CEP128: variants seen among roughly 807,000 people sequenced by gnomAD.
The protein encoded by CEP128 is centrosomal protein 128, also known as centrosomal protein 128kDa.
CEP128 carries 132 observed loss-of-function variants against 156.7 expected under a neutral mutation model. The observed-to-expected ratio is 0.84, with a 90% CI of 0.73 to 0.97. CEP128 has a LOEUF of 0.97. Among genes scored for constraint, CEP128 ranks in the 50% least tolerant of loss-of-function variants. The probability of loss-of-function intolerance (pLI) is 0.00; values close to 1 mark genes in which losing one functional copy is unlikely to be tolerated. For missense variants in CEP128, 1,252 were observed against 1,281.9 expected (o/e 0.98, Z 0.36); for synonymous variants, 469 against 448.9 (o/e 1.04, Z -0.57).
intron 13 of CEP128, among the ~76,000 whole-genome samples, chr14:80,796,749 A>AT (rs1883508291): frequency 1.3e-5 from 2 of 152,206 alleles, no homozygotes; most frequent in African/African-American, 4.8e-5. Flanking sequence ...GGTATTAGTG[A>AT]GTCCTACATT....
intron 19 of CEP128, among the ~76,000 whole-genome samples, chr14:80,603,242 TGTG>T (rs1892649280): frequency 6.6e-6 from 1 of 152,088 alleles, no homozygotes; most frequent in Non-Finnish European, 1.5e-5. Flanking sequence ...ATAAACAAAA[TGTG>T]GTATTTCCAT....
chr14:80,810,299 G>A (rs8007834), intron 13 of CEP128, among the ~76,000 whole-genome samples: 18,767 of 114,512 alleles, frequency 0.16, 1,705 homozygotes, highest in Admixed American at 0.3. Flanking sequence ...CTCCAGCCTG[G>A]GCGACAGAGC....
intron 8 of CEP128, among the ~76,000 whole-genome samples, chr14:80,886,091 A>C (rs868139331): frequency 6.6e-6 from 1 of 152,152 alleles, no homozygotes; most frequent in African/African-American, 2.4e-5. Context: ...AAAAGAGTGA[A>C]AAGGAACAAA....
intron 23 of CEP128, 106 bp from the exon 24 acceptor site, chr14:80,505,126 G>C: frequency 2.5e-6 from 1 of 403,146 alleles, no homozygotes; most frequent in Non-Finnish European, 4.6e-6. Context: ...AAGCTATGTT[G>C]TACATGCACA....
chr14:80,805,895 T>C (rs1884149571), intron 13 of CEP128, among the ~76,000 whole-genome samples: 1 of 152,158 alleles, frequency 6.6e-6, no homozygotes, highest in African/African-American at 2.4e-5. Context: ...TAGTGATTGG[T>C]TGAAAGTAGA....
intron 20 of CEP128, among the ~76,000 whole-genome samples, chr14:80,565,649 C>G (rs1890882133): frequency 1.3e-5 from 2 of 152,078 alleles, no homozygotes; most frequent in African/African-American, 2.4e-5. Flanking sequence ...AGGAATGGAC[C>G]AAGGCAAATT....
At chr14:80,728,296 G>A (rs1898096486) in intron 19 of CEP128, among the ~76,000 whole-genome samples, 1 of 152,162 alleles carries the variant, frequency 6.6e-6, no homozygotes, top group East Asian at 1.9e-4. Flanking sequence ...CCACTTATTA[G>A]TGAGACCTGA....
intron 9 of CEP128, among the ~76,000 whole-genome samples, chr14:80,845,509 C>T (rs945850740): frequency 6.6e-6 from 1 of 152,086 alleles, no homozygotes; most frequent in Non-Finnish European, 1.5e-5. Context: ...TAATATAATA[C>T]TTCATTTGAC....
At chr14:80,688,698 T>C (rs1896608128) in intron 19 of CEP128, among the ~76,000 whole-genome samples, 1 of 152,212 alleles carries the variant, frequency 6.6e-6, no homozygotes, top group Non-Finnish European at 1.5e-5. Context: ...AAAGTTAATT[T>C]AGAAATAATA....
At chr14:80,690,416 CAA>C (rs113493547) in intron 19 of CEP128, among the ~76,000 whole-genome samples, 10 of 118,212 alleles carry the variant, frequency 8.5e-5, no homozygotes, top group Admixed American at 3.5e-4. Flanking sequence ...AACTCCATCT[CAA>C]AAAAAAAAAA....
At chr14:80,954,174 G>A (rs1391937890) in intron 2 of CEP128, among the ~76,000 whole-genome samples, 3 of 152,082 alleles carry the variant, frequency 2.0e-5, no homozygotes, top group East Asian at 3.9e-4. Context: ...GGAGGCTGAG[G>A]CAGCAGAATT....
At chr14:80,951,660 T>C (rs1237838961) in intron 2 of CEP128, among the ~76,000 whole-genome samples, 3 of 152,080 alleles carry the variant, frequency 2.0e-5, no homozygotes, top group Non-Finnish European at 4.4e-5. Context: ...TTAAATGTAA[T>C]GTGAATAATG....
intron 8 of CEP128, among the ~76,000 whole-genome samples, chr14:80,871,953 C>T (rs1888050239): frequency 6.6e-6 from 1 of 152,124 alleles, no homozygotes; most frequent in African/African-American, 2.4e-5. Flanking sequence ...ATACCTGGTG[C>T]TTCAAAGTCC....
intron 19 of CEP128, among the ~76,000 whole-genome samples, chr14:80,718,389 A>G (rs1326505629): frequency 6.6e-6 from 1 of 152,238 alleles, no homozygotes; most frequent in African/African-American, 2.4e-5. Context: ...TTAAACAACT[A>G]GTTTTAATGA....
chr14:80,855,088 G>T (rs960272516), intron 9 of CEP128, among the ~76,000 whole-genome samples: 1 of 152,168 alleles, frequency 6.6e-6, no homozygotes, highest in Non-Finnish European at 1.5e-5. Flanking sequence ...ACTTTACCCC[G>T]TGAAGAATAA....
At chr14:80,671,148 ATGCTAT>A (rs1353490225) in intron 19 of CEP128, among the ~76,000 whole-genome samples, 1 of 152,222 alleles carries the variant, frequency 6.6e-6, no homozygotes, top group Non-Finnish European at 1.5e-5. Flanking sequence ...ATGCAGGGAC[ATGCTAT>A]AGATAAGGAC....
intron 9 of CEP128, among the ~76,000 whole-genome samples, chr14:80,856,562 T>C (rs1887169303): frequency 2.0e-5 from 3 of 151,890 alleles, no homozygotes; most frequent in Admixed American, 2.0e-4. Context: ...AAGGATCGCT[T>C]GAGCCTGGGA....
rs190059928 is a variant in CEP128 at position 80,685,821 on chromosome 14, C to T, written c.2806+57254G>A. 9.2e-4 allele frequency among the ~76,000 whole-genome samples: 140 copies of T among 152,168 alleles called. 2 individuals carry two copies. In the Middle Eastern group the frequency reaches 0.01, roughly 11 times the overall value. On this transcript the variant is annotated intron_variant, in intron 19 of 24. Transcript: ENST00000555265. The stretch of plus-strand genomic sequence containing the variant: ...AATAAAACTGCACTCCTAGCACTAT[C>T]TAATCTTCAACAAAGTCAACAAAAA...
chr14:80,782,464 C>T (rs1239541884), intron 15 of CEP128, among the ~76,000 whole-genome samples: 1 of 152,188 alleles, frequency 6.6e-6, no homozygotes, highest in South Asian at 2.1e-4. Context: ...ACTTTACACG[C>T]TCCTAGACTA....
Sources: gnomAD v4.1 joint callset for allele counts (sites outside exome capture counted in the v4.1 genomes callset) on GRCh38, gnomAD v4.1.1 for gene constraint, MANE v1.5 for transcripts, NCBI Gene and HGNC (gene_info 2026-07-23, HGNC 2026-07-21) for gene names.